The following SEMA5A variants were observed in gnomAD, a reference collection of about 807,000 sequenced individuals.
SEMA5A encodes semaphorin 5A, also known as semaphorin-5A.
SEMA5A carries 55 observed loss-of-function variants against 135.5 expected under a neutral mutation model. The ratio of observed to expected loss-of-function variants is 0.41; its 90% CI spans 0.33 to 0.51. The LOEUF (loss-of-function observed/expected upper bound fraction) is 0.51. Ranked by LOEUF, SEMA5A falls within the 20% of genes least tolerant of loss-of-function variation. The probability of loss-of-function intolerance (pLI) is 0.37; values close to 1 mark genes in which losing one functional copy is unlikely to be tolerated. For synonymous variants in SEMA5A, 580 were observed against 546.5 expected (o/e 1.06, Z -0.85); for missense variants, 1,290 against 1,419.9 (o/e 0.91, Z 1.47).
At chr5:9,141,433 T>A (rs1388838966) in intron 12 of SEMA5A, among the ~76,000 whole-genome samples, 1 of 152,244 alleles carries the variant, frequency 6.6e-6, no homozygotes, top group Non-Finnish European at 1.5e-5. Context: ...AATATAATTA[T>A]CAACATTCAA....
At chr5:9,292,712 T>C (rs893550766) in intron 5 of SEMA5A, among the ~76,000 whole-genome samples, 22 of 152,192 alleles carry the variant, frequency 1.4e-4, no homozygotes, top group African/African-American at 5.3e-4. Context: ...AAAAATCAAC[T>C]GTTTAGATTA....
intron 1 of SEMA5A, among the ~76,000 whole-genome samples, chr5:9,449,786 T>C (rs1758568403): frequency 6.6e-6 from 1 of 152,068 alleles, no homozygotes; most frequent in African/African-American, 2.4e-5. Flanking sequence ...ACACAGAAGG[T>C]GCCTGGGTAA....
chr5:9,452,567 G>C (rs896000837), intron 1 of SEMA5A, among the ~76,000 whole-genome samples: 1 of 152,194 alleles, frequency 6.6e-6, no homozygotes, highest in African/African-American at 2.4e-5. Flanking sequence ...AATTATTAAG[G>C]CTATGTTGAA....
rs78475456 is a variant in SEMA5A, at chr5:9,230,209, A to G, written c.334-3242T>C. Among the ~76,000 whole-genome samples, 45 of 120,454 alleles carry G rather than the reference A, an allele frequency of 3.7e-4. No individual in the cohort carries two copies. In the East Asian group the frequency reaches 9.8e-3, roughly 26 times the overall value. 79.0% of individuals were successfully genotyped at this position (120,454 alleles called of 152,430 possible). On this transcript the variant is annotated intron_variant, in intron 6 of 22. Transcript: ENST00000382496. ...GGGTCAAGGACTCATTATGTTGCCC[A>G]GGCTGGTCTCGAATTCCTGGGTTCA...
At chr5:9,540,565 C>T (rs1738028990) in intron 1 of SEMA5A, among the ~76,000 whole-genome samples, 1 of 151,942 alleles carries the variant, frequency 6.6e-6, no homozygotes, top group African/African-American at 2.4e-5. Flanking sequence ...CCACTGCACC[C>T]CAGCCAGGGT....
intron 4 of SEMA5A, among the ~76,000 whole-genome samples, chr5:9,331,938 C>T (rs7712339): frequency 0.012 from 1,786 of 152,304 alleles, 33 homozygotes; most frequent in African/African-American, 0.041. Flanking sequence ...CTATTTGTTG[C>T]ACATACATTT....
At chr5:9,362,653 A>C (rs1279081673) in intron 3 of SEMA5A, among the ~76,000 whole-genome samples, 3 of 152,138 alleles carry the variant, frequency 2.0e-5, no homozygotes, top group Non-Finnish European at 4.4e-5. Context: ...ATTATATCCC[A>C]AAAAAAGAGG....
At chr5:9,090,353 G>A (rs930624661) in intron 16 of SEMA5A, among the ~76,000 whole-genome samples, 1 of 152,126 alleles carries the variant, frequency 6.6e-6, no homozygotes, top group Admixed American at 6.6e-5. Context: ...AAAAGTCCTC[G>A]CTTTAAAACG....
chr5:9,273,055 C>T (rs942455137), intron 5 of SEMA5A, among the ~76,000 whole-genome samples: 1 of 152,124 alleles, frequency 6.6e-6, no homozygotes, highest in African/African-American at 2.4e-5. Flanking sequence ...TAATAACAAA[C>T]TCCTCTAAGG....
Position 9,493,069 on chromosome 5 carries a change from T to C in SEMA5A, c.-175+52515A>G, listed in dbSNP as rs138823257. ...TGATCGATTGCAACAAATAGACCAC[T>C]CTAGTGGGGAATGTCAACAATGGAG... On this transcript the variant is annotated intron_variant, in intron 1 of 22. Transcript: ENST00000382496. 4.2e-3 allele frequency among the ~76,000 whole-genome samples: 644 copies of C among 152,158 alleles called. 2 individuals are homozygous for C. Among genetic ancestry groups the C allele is most frequent in the African/African-American group, 0.014 (598 of 41,524 alleles).
chr5:9,056,832 C>A (rs1417312614), intron 18 of SEMA5A, among the ~76,000 whole-genome samples: 3 of 152,220 alleles, frequency 2.0e-5, no homozygotes, highest in Non-Finnish European at 4.4e-5. Flanking sequence ...TTCTCATGTT[C>A]ACTGCAGCAT....
intron 16 of SEMA5A, among the ~76,000 whole-genome samples, chr5:9,075,853 G>C (rs1031113751): frequency 3.9e-5 from 6 of 152,238 alleles, no homozygotes; most frequent in African/African-American, 1.2e-4. Flanking sequence ...GTACAAAACT[G>C]TATGGTCTCA....
At chr5:9,519,806 A>C (rs1736722246) in intron 1 of SEMA5A, 1 of 152,232 alleles carries the variant, frequency 6.6e-6, no homozygotes, top group Non-Finnish European at 1.5e-5. Context: ...ATCGCGGTCC[A>C]GTGCTTTCTC....
At position 9,204,241 on chromosome 5, in the gene SEMA5A, GA is replaced by G. The variant is rs1745885088; in HGVS notation, c.647-2002del. Reference sequence around the variant, plus strand: ...AACAAGCAACCCTTCCTAAAATGTGGAAAACAAAGAGAGAAGGCGTAAGGGT... The same window carrying G: ...AACAAGCAACCCTTCCTAAAATGTGGAAACAAAGAGAGAAGGCGTAAGGGT... On this transcript the variant is annotated intron_variant, in intron 8 of 22. Coordinates refer to ENST00000382496, the MANE Select transcript of SEMA5A (RefSeq NM_003966.3). The surrounding 1 kb of genome is among the most constrained non-coding windows in gnomAD (Gnocchi z 6.4). Among the ~76,000 whole-genome samples, 1 of 152,126 alleles carries G rather than the reference GA, an allele frequency of 6.6e-6. No homozygotes were observed. The highest frequency in any genetic ancestry group is 6.6e-5 in the Admixed American group (1 of 15,254).
chr5:9,481,001 A>G (rs1051163133), intron 1 of SEMA5A, among the ~76,000 whole-genome samples: 2 of 152,072 alleles, frequency 1.3e-5, no homozygotes, highest in Non-Finnish European at 2.9e-5. Context: ...GTTGGAGTGC[A>G]GTGGCATGAT....
chr5:9,375,856 C>T (rs1352197891), intron 3 of SEMA5A, among the ~76,000 whole-genome samples: 2 of 151,724 alleles, frequency 1.3e-5, no homozygotes, highest in Admixed American at 6.6e-5. Context: ...AAAGGCTTGC[C>T]CTCAACTAGA....
At chr5:9,235,594 C>T (rs1179862196) in intron 6 of SEMA5A, among the ~76,000 whole-genome samples, 1 of 150,150 alleles carries the variant, frequency 6.7e-6, no homozygotes, top group Admixed American at 7.2e-5. Flanking sequence ...AGCACTGGGA[C>T]CTGGGAGAGG....
intron 6 of SEMA5A, among the ~76,000 whole-genome samples, chr5:9,235,875 C>T (rs1441916875): frequency 6.6e-6 from 1 of 152,128 alleles, no homozygotes; most frequent in East Asian, 1.9e-4. Context: ...CTGCTAATAC[C>T]TGAGACTGGG....
chr5:9,414,062 C>G (rs1237968723), intron 2 of SEMA5A, among the ~76,000 whole-genome samples: 6 of 152,060 alleles, frequency 3.9e-5, no homozygotes, highest in Admixed American at 1.3e-4. Context: ...TCTTTCTTGA[C>G]TAACAAGTGA....
Sources: gnomAD v4.1 joint callset for allele counts (sites outside exome capture counted in the v4.1 genomes callset) on GRCh38, gnomAD v4.1.1 for gene constraint, Gnocchi (gnomAD v3.1) non-coding constraint, MANE v1.5 for transcripts, NCBI Gene and HGNC (gene_info 2026-07-23, HGNC 2026-07-21) for gene names.